Variants in CADM2 observed in about 807,000 individuals in gnomAD.
The protein encoded by CADM2 is immunoglobulin superfamily member 4D.
CADM2 carries 12 observed loss-of-function variants against 49.8 expected under a neutral mutation model. The ratio of observed to expected loss-of-function variants is 0.24; its 90% confidence interval spans 0.15 to 0.39. CADM2 has a LOEUF of 0.39. Ranked by LOEUF, CADM2 falls within the 10% of genes least tolerant of loss-of-function variation. The probability of loss-of-function intolerance (pLI) is 1.00; values close to 1 mark genes in which losing one functional copy is unlikely to be tolerated. For missense variants in CADM2, 378 were observed against 492.3 expected (o/e 0.77, Z 2.20); for synonymous variants, 214 against 175.4 (o/e 1.22, Z -1.74).
intron 1 of CADM2, among the ~76,000 whole-genome samples, chr3:85,676,673 T>C (rs1326105609): frequency 6.6e-6 from 1 of 152,174 alleles, no homozygotes; most frequent in Non-Finnish European, 1.5e-5. Context: ...ATTACACTTA[T>C]TATAGCCTAT....
intron 3 of CADM2, among the ~76,000 whole-genome samples, chr3:85,824,840 C>T (rs1264420585): frequency 6.6e-6 from 1 of 151,940 alleles, no homozygotes. Context: ...TAAAAGGCAG[C>T]TGTGAAAAAA....
At chr3:85,036,878 G>A (rs950250763) in intron 1 of CADM2, among the ~76,000 whole-genome samples, 1 of 151,792 alleles carries the variant, frequency 6.6e-6, no homozygotes, top group Non-Finnish European at 1.5e-5. Flanking sequence ...CTGGCCAGAC[G>A]CTGTGGCTCA....
chr3:86,014,450 A>C, intron 8 of CADM2: 3 of 1,495,698 alleles, frequency 2.0e-6, no homozygotes, highest in Non-Finnish European at 2.7e-6. Context: ...GGTTTGAGGA[A>C]GCCACAAATT....
At chr3:85,014,941 T>C (rs1357891570) in intron 1 of CADM2, among the ~76,000 whole-genome samples, 1 of 152,184 alleles carries the variant, frequency 6.6e-6, no homozygotes, top group Non-Finnish European at 1.5e-5. Flanking sequence ...TATTTCTTTT[T>C]ATGCCTACTT....
chr3:85,171,939 G>C (rs2040639574), intron 1 of CADM2, among the ~76,000 whole-genome samples: 2 of 152,218 alleles, frequency 1.3e-5, no homozygotes, highest in Admixed American at 1.3e-4. Flanking sequence ...ACTGCAAAAA[G>C]ACTATATAAT....
At chr3:85,609,936 G>C (rs1417361821) in intron 1 of CADM2, among the ~76,000 whole-genome samples, 1 of 152,050 alleles carries the variant, frequency 6.6e-6, no homozygotes, top group East Asian at 1.9e-4. Flanking sequence ...TGTTAGCAAA[G>C]AGGCACTACA....
intron 1 of CADM2, among the ~76,000 whole-genome samples, chr3:85,471,443 T>G (rs1025614085): frequency 6.6e-6 from 1 of 152,034 alleles, no homozygotes; most frequent in Non-Finnish European, 1.5e-5. Flanking sequence ...CTTGTTAAAA[T>G]TATATTAGTG....
rs1739802148 is a variant in CADM2 at position 86,070,842 on chromosome 3, G to T, written c.*4059G>T. 1 of 151,782 alleles carries T rather than the reference G, an allele frequency of 6.6e-6. No individual in the cohort carries two copies. 9.4% of individuals were successfully genotyped at this position (151,782 alleles called of 1,614,324 possible). A position where few individuals can be genotyped will look rare whatever the true frequency, so the allele number is the denominator to read the frequency against. ...ATTATAATATGCATTTTGAATATTGGGAAAGAGGAAATCTTAGTGTAGATA... is the reference window on the plus strand; with the variant it reads ...ATTATAATATGCATTTTGAATATTGTGAAAGAGGAAATCTTAGTGTAGATA... On this transcript the variant is annotated 3_prime_UTR_variant, in exon 10 of 10. Coordinates refer to ENST00000383699, the MANE Select transcript of CADM2 (RefSeq NM_001167675.2).
At chr3:85,684,627 G>T (rs1427311180) in intron 1 of CADM2, among the ~76,000 whole-genome samples, 1 of 152,120 alleles carries the variant, frequency 6.6e-6, no homozygotes, top group African/African-American at 2.4e-5. Flanking sequence ...GTTCCACATC[G>T]CTGGGGAGGT....
At chr3:85,034,473 C>T (rs1272842418) in intron 1 of CADM2, among the ~76,000 whole-genome samples, 1 of 152,084 alleles carries the variant, frequency 6.6e-6, no homozygotes, top group Non-Finnish European at 1.5e-5. Context: ...CATATATGCA[C>T]CATATTTTCT....
chr3:85,088,220 G>A (rs148193502), intron 1 of CADM2, among the ~76,000 whole-genome samples: 30 of 152,076 alleles, frequency 2.0e-4, no homozygotes, highest in East Asian at 5.8e-4. Flanking sequence ...GGTTCTTGCC[G>A]CTTTCCTTAT....
At chr3:85,635,800 C>T (rs531670256) in intron 1 of CADM2, among the ~76,000 whole-genome samples, 14 of 152,098 alleles carry the variant, frequency 9.2e-5, no homozygotes, top group African/African-American at 3.4e-4. Context: ...ATATGTACAG[C>T]CATGCACAGT....
chr3:85,137,044 A>G (rs2107620240), intron 1 of CADM2, among the ~76,000 whole-genome samples: 1 of 152,066 alleles, frequency 6.6e-6, no homozygotes, highest in East Asian at 1.9e-4. Flanking sequence ...TGTGGATTAT[A>G]TTGGGGTATC....
At chr3:85,385,073 C>T (rs981186778) in intron 1 of CADM2, among the ~76,000 whole-genome samples, 9 of 152,078 alleles carry the variant, frequency 5.9e-5, no homozygotes, top group Non-Finnish European at 1.3e-4. Flanking sequence ...GTAGCTGGGA[C>T]TACAGGTGCG....
At chr3:85,318,248 G>T (rs886071058) in intron 1 of CADM2, among the ~76,000 whole-genome samples, 1 of 151,810 alleles carries the variant, frequency 6.6e-6, no homozygotes, top group African/African-American at 2.4e-5. Flanking sequence ...ATGGGGGGTT[G>T]ATGTAACAGG....
intron 8 of CADM2, among the ~76,000 whole-genome samples, chr3:85,971,911 C>CT (rs886282877): frequency 1.4e-4 from 21 of 150,818 alleles, no homozygotes; most frequent in African/African-American, 3.9e-4. Flanking sequence ...TTAAGAACAG[C>CT]TTTTTTTTTC....
At chr3:85,447,803 C>A (rs1253113900) in intron 1 of CADM2, among the ~76,000 whole-genome samples, 1 of 152,110 alleles carries the variant, frequency 6.6e-6, no homozygotes, top group Non-Finnish European at 1.5e-5. Flanking sequence ...AATACATTAT[C>A]TTTTTTCCAT....
At chr3:84,974,196 A>G (rs1024841952) in intron 1 of CADM2, among the ~76,000 whole-genome samples, 2 of 151,408 alleles carry the variant, frequency 1.3e-5, no homozygotes, top group Non-Finnish European at 2.9e-5. Flanking sequence ...TGGATGATAT[A>G]CATGTTAAAA....
At position 85,926,182 on chromosome 3, in the gene CADM2, AATAG is replaced by A. The variant is rs56361129; in HGVS notation, c.701-9581_701-9578del. Reference sequence around the variant, plus strand: ...TAAATAAATAAATAAATAAATAGAAAATAGATAATAAAGTAAATGTAAATATTTT... The same window carrying A: ...TAAATAAATAAATAAATAAATAGAAAATAATAAAGTAAATGTAAATATTTT... On this transcript the variant is annotated intron_variant, in intron 6 of 9. Coordinates refer to ENST00000383699, the MANE Select transcript of CADM2 (RefSeq NM_001167675.2). Among the ~76,000 whole-genome samples, 387 of 151,408 alleles carry A rather than the reference AATAG, an allele frequency of 2.6e-3. 3 individuals carry two copies. The highest frequency in any genetic ancestry group is 4.3e-3 in the Non-Finnish European group (294 of 67,800).
Sources: gnomAD v4.1 joint callset for allele counts (sites outside exome capture counted in the v4.1 genomes callset) on GRCh38, gnomAD v4.1.1 for gene constraint, MANE v1.5 for transcripts, NCBI Gene and HGNC (gene_info 2026-07-23, HGNC 2026-07-21) for gene names.